ADAM32: variants seen among roughly 807,000 people sequenced by gnomAD.
ADAM32 encodes the protein disintegrin and metalloproteinase domain-containing protein 32.
In ADAM32, 89 loss-of-function variants were observed where a neutral mutation model predicts 114.9. The ratio of observed to expected loss-of-function variants is 0.77; its 90% confidence interval spans 0.65 to 0.92. ADAM32 has a LOEUF of 0.92. ADAM32 is among the 40% of genes least tolerant of loss of function. The pLI, the probability that ADAM32 is intolerant of heterozygous loss-of-function variation, is 0.00. For synonymous variants in ADAM32, 285 were observed against 307.5 expected, an observed-to-expected ratio of 0.93 and a Z score of 0.77; for missense variants, 870 against 932.8, an observed-to-expected ratio of 0.93 and a Z score of 0.88.
At chr8:39,111,720 CAAAAAAAAAAAAA>C (rs11343568) in intron 1 of ADAM32, among the ~76,000 whole-genome samples, 3 of 78,300 alleles carry the variant, frequency 3.8e-5, no homozygotes, top group African/African-American at 1.4e-4. Flanking sequence ...GACTCTTTCT[CAAAAAAAAAAAAA>C]AAAAAAAAAG....
intron 16 of ADAM32, among the ~76,000 whole-genome samples, chr8:39,245,298 T>G (rs926109531): frequency 6.6e-6 from 1 of 152,088 alleles, no homozygotes; most frequent in Non-Finnish European, 1.5e-5. Flanking sequence ...CTTTGGGGAC[T>G]TGGGGGGAAG....
At chr8:39,237,303 A>T (rs958425487) in intron 16 of ADAM32, among the ~76,000 whole-genome samples, 2 of 152,184 alleles carry the variant, frequency 1.3e-5, no homozygotes, top group Non-Finnish European at 2.9e-5. Context: ...CCACAAGGAT[A>T]AGGAGACTTC....
chr8:39,129,107 G>C (rs911502203), intron 2 of ADAM32, among the ~76,000 whole-genome samples: 6 of 143,062 alleles, frequency 4.2e-5, no homozygotes, highest in Non-Finnish European at 7.5e-5. Flanking sequence ...TTGTTCATTG[G>C]TTCTCGTTTT....
At chr8:39,195,679 C>A (rs190121893) in intron 11 of ADAM32, among the ~76,000 whole-genome samples, 108 of 152,164 alleles carry the variant, frequency 7.1e-4, no homozygotes, top group African/African-American at 2.5e-3. Flanking sequence ...CGTATATGTT[C>A]TTGGTATCTA....
chr8:39,235,855 G>A, intron 16 of ADAM32, among the ~76,000 whole-genome samples: 1 of 152,108 alleles, frequency 6.6e-6, no homozygotes, highest in East Asian at 1.9e-4. Context: ...AAAAGGGTTA[G>A]ATTGTTTGTA....
chr8:39,281,441 A>G (rs1813412481), intron 23 of ADAM32, among the ~76,000 whole-genome samples: 1 of 152,192 alleles, frequency 6.6e-6, no homozygotes, highest in Non-Finnish European at 1.5e-5. Flanking sequence ...AGAGACAAAT[A>G]TTTATGATTA....
chr8:39,108,559 A>G (rs1225354570), intron 1 of ADAM32, among the ~76,000 whole-genome samples: 2 of 152,230 alleles, frequency 1.3e-5, no homozygotes, highest in Non-Finnish European at 2.9e-5. Context: ...GTTATCTCCA[A>G]ACAATGCAAA....
At chr8:39,201,424 T>A (rs4383940) in intron 11 of ADAM32, among the ~76,000 whole-genome samples, 35,097 of 148,018 alleles carry the variant, frequency 0.24, 4,686 homozygotes, top group Non-Finnish European at 0.28. Flanking sequence ...TTTGGCTCTC[T>A]GTTTGTCTAT....
chr8:39,261,575 G>A (rs1812031087), intron 19 of ADAM32, among the ~76,000 whole-genome samples: 1 of 152,250 alleles, frequency 6.6e-6, no homozygotes, highest in East Asian at 1.9e-4. Flanking sequence ...AATACCCAGT[G>A]GTGTGATTGC....
chr8:39,182,022 T>C (rs568734396), intron 10 of ADAM32, among the ~76,000 whole-genome samples: 35 of 152,222 alleles, frequency 2.3e-4, no homozygotes, highest in Non-Finnish European at 4.7e-4. Flanking sequence ...GCCACAATAA[T>C]TTTGAAGAAC....
intron 22 of ADAM32, among the ~76,000 whole-genome samples, chr8:39,279,745 T>C (rs1813312462): frequency 6.6e-6 from 1 of 152,206 alleles, no homozygotes; most frequent in South Asian, 2.1e-4. Flanking sequence ...ATCCTAAATA[T>C]TTCAATTTTG....
chr8:39,257,382 C>T, intron 19 of ADAM32, 39 bp downstream of exon 19: 1 of 1,604,216 alleles, frequency 6.2e-7, no homozygotes. Flanking sequence ...ACATTAGTAC[C>T]ATTTGAATCT....
chr8:39,253,581 A>G (rs1158218704), intron 17 of ADAM32, among the ~76,000 whole-genome samples: 2 of 151,908 alleles, frequency 1.3e-5, no homozygotes, highest in East Asian at 3.9e-4. Flanking sequence ...GTTGCAGGAC[A>G]CAAAAACAAC....
intron 10 of ADAM32, among the ~76,000 whole-genome samples, chr8:39,180,931 G>A (rs1279570353): frequency 6.6e-6 from 1 of 152,192 alleles, no homozygotes; most frequent in African/African-American, 2.4e-5. Flanking sequence ...TGGGGCCTTG[G>A]AGAACCTGTG....
chr8:39,193,878 C>A (rs1267186171), intron 11 of ADAM32, among the ~76,000 whole-genome samples: 1 of 152,184 alleles, frequency 6.6e-6, no homozygotes, highest in South Asian at 2.1e-4. Context: ...TGTGGAGGAG[C>A]CATGGTGCTC....
chr8:39,158,206 CAT>C lies in ADAM32; in HGVS notation c.526-2689_526-2688del, dbSNP rs1804259678. ...GTCCATTAGGTGGGTCTTCTTCATACATAGAGGAAGCAGGTGCATCTGGGTGT... is the reference window on the plus strand; with the variant it reads ...GTCCATTAGGTGGGTCTTCTTCATACAGAGGAAGCAGGTGCATCTGGGTGT... On this transcript the variant is annotated intron_variant, in intron 6 of 24. Transcript: ENST00000379907. 15 of 41,424 alleles carry C rather than the reference CAT, an allele frequency of 3.6e-4. 1 individual carries two copies. The South Asian group carries it at 7.5e-3, about 21-fold the overall frequency. The allele number at this position is 41,424 out of a possible 1,614,324, so 2.6% of individuals were successfully genotyped here.
chr8:39,206,703 A>G (rs1191231021), intron 11 of ADAM32, among the ~76,000 whole-genome samples: 1 of 152,216 alleles, frequency 6.6e-6, no homozygotes, highest in Non-Finnish European at 1.5e-5. Context: ...TGAATCAGCT[A>G]GAGTGCTGGA....
At position 39,211,212 on chromosome 8, in the gene ADAM32, TG is replaced by T; in HGVS notation, c.1124del (p.Gly375ValfsTer52). ...AGCTTTCAAAATTTCATTTCAAATG[TG>T]GGTGTCAAATGTCTTCAGAATAAGC... ...LRSFQNFISN[V>X]GVKCLQNKPQ... On this transcript the variant is annotated frameshift_variant, in exon 12 of 25. Transcript: ENST00000379907. LOFTEE classifies it high-confidence loss of function. 1 of 1,607,250 alleles carries T rather than the reference TG, an allele frequency of 6.2e-7. No individual in the cohort carries two copies. Among genetic ancestry groups the T allele is most frequent in the South Asian group, 1.1e-5 (1 of 89,672 alleles).
chr8:39,232,257 T>C (rs1809790749), intron 15 of ADAM32, 122 bp downstream of exon 15: 1 of 673,444 alleles, frequency 1.5e-6, no homozygotes. Context: ...GGAGTGAACC[T>C]CAAATCAAAA....
Sources: gnomAD v4.1 joint callset for allele counts (sites outside exome capture counted in the v4.1 genomes callset) on GRCh38, gnomAD v4.1.1 for gene constraint, MANE v1.5 for transcripts, NCBI Gene and HGNC (gene_info 2026-07-23, HGNC 2026-07-21) for gene names.